Variants in RAPGEF3 observed in about 807,000 individuals in gnomAD.
RAPGEF3 encodes the protein Rap guanine nucleotide exchange factor 3.
In RAPGEF3, 103 loss-of-function variants were observed where a neutral mutation model predicts 129.8. The ratio of observed to expected loss-of-function variants is 0.79; its 90% confidence interval spans 0.68 to 0.93. The LOEUF is 0.93. Ranked by LOEUF, RAPGEF3 falls within the 40% of genes least tolerant of loss-of-function variation. The pLI, the probability that RAPGEF3 is intolerant of heterozygous loss-of-function variation, is 0.00. For synonymous variants in RAPGEF3, 436 were observed against 482.6 expected, an observed-to-expected ratio of 0.90 and a Z score of 1.26; for missense variants, 1,117 against 1,207.4, an observed-to-expected ratio of 0.93 and a Z score of 1.11.
At chr12:47,738,386 C>G in intron 25 of RAPGEF3, 139 bp from the exon 26 acceptor site, 1 of 1,193,672 alleles carries the variant, frequency 8.4e-7, no homozygotes, top group South Asian at 1.3e-5. Flanking sequence ...ATCATGTGTA[C>G]TTCGCCTCAG....
intron 7 of RAPGEF3, among the ~76,000 whole-genome samples, 158 bp downstream of exon 7, chr12:47,750,183 C>T (rs1941662316): frequency 6.6e-6 from 1 of 152,214 alleles, no homozygotes; most frequent in South Asian, 2.1e-4. Flanking sequence ...GAAGGATTTT[C>T]AGACAGGGCA....
At position 47,751,572 on chromosome 12, in the gene RAPGEF3, G is replaced by A. The variant is rs1411949640; in HGVS notation, c.381-52C>T. Reference sequence around the variant, plus strand: ...AGTGGAAGGAGGGTGGCAGGGAGAGGGAGGAACTATGCATTAGAAAGGCAC... The same window carrying A: ...AGTGGAAGGAGGGTGGCAGGGAGAGAGAGGAACTATGCATTAGAAAGGCAC... On this transcript the variant is annotated intron_variant, in intron 4 of 27. Transcript: ENST00000449771. 3.7e-6 allele frequency: 6 copies of A among 1,611,904 alleles called. No homozygotes were observed. In the African/African-American group the frequency reaches 6.7e-5, roughly 18 times the overall value.
At position 47,735,613 on chromosome 12, in the gene RAPGEF3, T is replaced by G. The variant is rs1592526672; in HGVS notation, c.*1954A>C. On this transcript the variant is annotated 3_prime_UTR_variant, in exon 28 of 28. Transcript: ENST00000449771. ...AGACCACCGGGTGGCTGCAGGGTGG[T>G]CTGGACTGTAAAGCTGATGGTCCAA... 6.6e-6 allele frequency: 1 copy of G among 152,232 alleles called. No individual in the cohort carries two copies. Among genetic ancestry groups the G allele is most frequent in the Non-Finnish European group, 1.5e-5 (1 of 68,140 alleles). 9.4% of individuals were successfully genotyped at this position (152,232 alleles called of 1,614,324 possible).
At chr12:47,737,986 CCCCTCCCTGCCCA>C in intron 27 of RAPGEF3, 23 bp downstream of exon 27, 1 of 1,532,054 alleles carries the variant, frequency 6.5e-7, no homozygotes, top group Non-Finnish European at 9.0e-7. Flanking sequence ...CCATAAGCAC[CCCCTCCCTGCCCA>C]CCCACCATCG....
Position 47,741,133 on chromosome 12 carries a change from G to A in RAPGEF3, c.1924-93C>T, listed in dbSNP as rs1013536884. The stretch of plus-strand genomic sequence containing the variant: ...GGGTTGGGGCAAGGACTCTATGCTC[G>A]TGTTAGGAGGAGGGTTAGGAGGGCA... On this transcript the variant is annotated intron_variant, in intron 19 of 27. Transcript: ENST00000449771. 57 of 1,430,216 alleles carry A rather than the reference G, an allele frequency of 4.0e-5. No homozygotes were observed. In the Admixed American group the frequency reaches 5.1e-4, roughly 13 times the overall value. The allele number at this position is 1,430,216 out of a possible 1,614,324, so 88.6% of individuals were successfully genotyped here.
chr12:47,746,759 G>T (rs1592553460), intron 16 of RAPGEF3, 101 bp downstream of exon 16: 1 of 1,286,836 alleles, frequency 7.8e-7, no homozygotes, highest in East Asian at 2.5e-5. Context: ...TCTGTGGGAG[G>T]AGAGCTTCCC....
chr12:47,758,196 G>T, intron 1 of RAPGEF3, 118 bp from the exon 2 acceptor site: 1 of 1,444,180 alleles, frequency 6.9e-7, no homozygotes, highest in South Asian at 1.4e-5. Context: ...TCAGGCGGAG[G>T]TGCTGCAACC....
At chr12:47,755,331 G>A (rs1033682975) in intron 2 of RAPGEF3, among the ~76,000 whole-genome samples, 2 of 152,136 alleles carry the variant, frequency 1.3e-5, no homozygotes, top group African/African-American at 4.8e-5. Context: ...ATATGATAAA[G>A]GCAAACCTCT....
At chr12:47,737,823 CG>C in intron 27 of RAPGEF3, 138 bp from the exon 28 acceptor site, 1 of 1,117,874 alleles carries the variant, frequency 8.9e-7, no homozygotes, top group South Asian at 1.3e-5. Context: ...TTCCTAAAGA[CG>C]GCTGTCCCTG....
At position 47,751,822 on chromosome 12, in the gene RAPGEF3, G is replaced by A. The variant is rs374863478; in HGVS notation, c.281C>T (p.Thr94Ile). 2 of 1,614,198 alleles carry A rather than the reference G, an allele frequency of 1.2e-6. No homozygotes were observed. The highest frequency in any genetic ancestry group is 1.7e-6 in the Non-Finnish European group (2 of 1,180,020). ...CCTCCCAGCCCTGAGCACCCGCTCT[G>A]TGGAGGCCTTAGAGGGAGGAAGGGC... Reference protein sequence around the residue: ...DFSESLEQASTERVLRAGRQL... With the variant: ...DFSESLEQASIERVLRAGRQL... The change falls in exon 4 of 28, where the codon ACA (threonine) becomes ATA (isoleucine). Residue 94 changes from threonine (T) to isoleucine (I), a missense_variant. By Grantham distance (89) the Thr-to-Ile change is moderately conservative (BLOSUM62 -1). Around this residue, in one of 3 missense-constraint regions of RAPGEF3, gnomAD observed 367 missense variants for 373.4 expected, o/e 0.98. Coordinates refer to ENST00000449771, the MANE Select transcript of RAPGEF3 (RefSeq NM_001098531.4).
chr12:47,757,671 GAC>G (rs1942163661), intron 2 of RAPGEF3, among the ~76,000 whole-genome samples, 193 bp downstream of exon 2: 1 of 151,994 alleles, frequency 6.6e-6, no homozygotes, highest in African/African-American at 2.4e-5. Flanking sequence ...CACACACACA[GAC>G]ACACACACGT....
chr12:47,741,955 G>A (rs1179211190), intron 18 of RAPGEF3: 2 of 269,150 alleles, frequency 7.4e-6, no homozygotes, highest in East Asian at 8.0e-5. Context: ...GTAGCTATAA[G>A]TACATGCTAT....
In RAPGEF3 at chr12:47,757,905, C is replaced by T. The variant is rs1228162589; in HGVS notation, c.180G>A (p.Leu60=). The change falls in exon 2 of 28, where the codon CTG becomes CTA. Residue 60 remains leucine (L), a synonymous_variant. Transcript: ENST00000449771. ...GGATGCAGCTCGGACGCTGGTGCTC[C>T]AGCAGCAGCTGGTAGGAGCAGCTTC... is the stretch of plus-strand genomic sequence containing the variant. The part of the protein sequence containing the change: ...RPRSCSYQLL[L]EHQRPSCIQG... The T allele has an allele frequency of 1.9e-6, 3 of 1,557,158 alleles. No homozygotes were observed. Among genetic ancestry groups the T allele is most frequent in the Non-Finnish European group, 1.7e-6 (2 of 1,150,432 alleles).
At chr12:47,747,170 A>AC (rs1169750171) in intron 15 of RAPGEF3, among the ~76,000 whole-genome samples, 9 of 151,960 alleles carry the variant, frequency 5.9e-5, no homozygotes, top group Admixed American at 4.6e-4. Flanking sequence ...TGAGCTCCCA[A>AC]CCCCCCTGAA....
chr12:47,750,271 G>A (rs1354638161), intron 7 of RAPGEF3, 70 bp downstream of exon 7: 1 of 1,458,878 alleles, frequency 6.9e-7, no homozygotes, highest in East Asian at 2.3e-5. Flanking sequence ...CCCAGCAGTT[G>A]GAGTTTCAGG....
At chr12:47,754,924 C>T (rs1941963428) in intron 2 of RAPGEF3, among the ~76,000 whole-genome samples, 1 of 152,226 alleles carries the variant, frequency 6.6e-6, no homozygotes, top group Non-Finnish European at 1.5e-5. Context: ...GCCCCACCCT[C>T]ACTCCCTGTC....
chr12:47,750,292 G>T (rs1592563751), intron 7 of RAPGEF3, 49 bp downstream of exon 7: 1 of 1,550,718 alleles, frequency 6.4e-7, no homozygotes, highest in Admixed American at 1.7e-5. Context: ...GAAGTCACAG[G>T]AAGAGAAGAT....
intron 6 of RAPGEF3, 54 bp from the exon 7 acceptor site, chr12:47,750,479 C>A: frequency 6.7e-7 from 1 of 1,495,708 alleles, no homozygotes; most frequent in Non-Finnish European, 9.1e-7. Context: ...CCGTCAGGTG[C>A]AGGGAGCCAC....
Position 47,738,219 on chromosome 12 carries a change from A to G in RAPGEF3, c.2555T>C (p.Leu852Pro). The change falls in exon 26 of 28, where the codon CTG (leucine) becomes CCG (proline). Residue 852 changes from leucine to proline, a missense_variant. Physicochemically the swap from Leu to Pro is moderately conservative, Grantham distance 98. Coordinates refer to ENST00000449771, the MANE Select transcript of RAPGEF3 (RefSeq NM_001098531.4). ...AGGGTTGTGGCTTCGGCAGTGGTGC[A>G]GCATCCGCGCGGCTCTGGCCATCAT... Reference protein sequence around the residue: ...MRMMARAARMLHHCRSHNPVP... With the variant: ...MRMMARAARMPHHCRSHNPVP... The G allele has an allele frequency of 6.2e-7, 1 of 1,613,526 alleles. No individual in the cohort carries two copies. Among genetic ancestry groups the G allele is most frequent in the South Asian group, 1.1e-5 (1 of 91,064 alleles).
Sources: gnomAD v4.1 joint callset for allele counts (sites outside exome capture counted in the v4.1 genomes callset) on GRCh38, gnomAD v4.1.1 for gene constraint, gnomAD v4.1.1 regional missense constraint, MANE v1.5 for transcripts, NCBI Gene and HGNC (gene_info 2026-07-23, HGNC 2026-07-21) for gene names.